NSMAF: variants seen among roughly 807,000 people sequenced by gnomAD.
NSMAF encodes neutral sphingomyelinase activation associated factor.
NSMAF carries 90 observed loss-of-function variants against 134.9 expected under a neutral mutation model. The observed-to-expected ratio is 0.67, with a 90% CI of 0.56 to 0.79. The LOEUF (loss-of-function observed/expected upper bound fraction) is 0.79, where lower values mean the gene tolerates loss of function less well. Ranked by LOEUF, NSMAF falls within the 30% of genes least tolerant of loss-of-function variation. NSMAF has a pLI of 0.00. For synonymous variants in NSMAF, 358 were observed against 389.6 expected (o/e 0.92, Z 0.96); for missense variants, 1,010 against 1,119.0 (o/e 0.90, Z 1.39).
intron 6 of NSMAF, among the ~76,000 whole-genome samples, chr8:58,626,217 G>T (rs902645400): frequency 2.7e-5 from 4 of 149,148 alleles, no homozygotes; most frequent in African/African-American, 9.9e-5. Context: ...TCCTGTCTCA[G>T]CCTCCCAAGT....
intron 23 of NSMAF, 90 bp downstream of exon 23, chr8:58,594,142 C>G (rs560366484): frequency 3.4e-5 from 36 of 1,045,528 alleles, no homozygotes; most frequent in Non-Finnish European, 5.1e-5. Context: ...GCAGCACATG[C>G]AAGTGCAGTC....
At chr8:58,639,973 T>A (rs1411400196) in intron 2 of NSMAF, 1 of 401,834 alleles carries the variant, frequency 2.5e-6, no homozygotes, top group African/African-American at 2.1e-5. Flanking sequence ...CTTACGAAAA[T>A]TTTTTAGGTG....
intron 6 of NSMAF, among the ~76,000 whole-genome samples, chr8:58,625,142 A>G (rs1459816654): frequency 6.6e-6 from 1 of 152,140 alleles, no homozygotes; most frequent in African/African-American, 2.4e-5. Context: ...AAATCGAATA[A>G]AAGTCTAAAT....
At chr8:58,623,086 G>A (rs1806825753) in intron 9 of NSMAF, 134 bp downstream of exon 9, 2 of 690,862 alleles carry the variant, frequency 2.9e-6, no homozygotes, top group Non-Finnish European at 5.2e-6. Flanking sequence ...CCTGCACTGA[G>A]GCTGAGCCAT....
intron 1 of NSMAF, chr8:58,659,058 G>A (rs1220741191): frequency 2.9e-6 from 2 of 701,546 alleles, no homozygotes; most frequent in Non-Finnish European, 4.3e-6. Flanking sequence ...CAGGAAAAAG[G>A]CGCGGCAATG....
At chr8:58,586,353 GT>G in intron 28 of NSMAF, 104 bp downstream of exon 28, 1 of 1,178,320 alleles carries the variant, frequency 8.5e-7, no homozygotes, top group Non-Finnish European at 1.2e-6. Flanking sequence ...AGCAAATAGT[GT>G]TTTTCTTTGT....
Position 58,599,372 on chromosome 8 carries a change from T to G in NSMAF, c.1454-9A>C. The stretch of plus-strand genomic sequence containing the variant: ...GAGAAAGTCCTCGGGACCTATTAGA[T>G]TAGACTCAATCGAAAAATCATGGAG... On this transcript the variant is annotated splice_polypyrimidine_tract_variant and intron_variant, in intron 18 of 30. Coordinates refer to ENST00000038176, the MANE Select transcript of NSMAF (RefSeq NM_003580.4). 6.2e-7 allele frequency: 1 copy of G among 1,611,906 alleles called. No individual in the cohort carries two copies. Among genetic ancestry groups the G allele is most frequent in the Non-Finnish European group, 8.5e-7 (1 of 1,179,372 alleles).
At chr8:58,599,497 C>T in intron 18 of NSMAF, 134 bp from the exon 19 acceptor site, 1 of 1,109,296 alleles carries the variant, frequency 9.0e-7, no homozygotes, top group Non-Finnish European at 1.3e-6. Context: ...TTTTCTTTTT[C>T]TATCATATGA....
intron 15 of NSMAF, 45 bp from the exon 16 acceptor site, chr8:58,601,393 G>A (rs1806276044): frequency 1.2e-6 from 2 of 1,607,312 alleles, no homozygotes; most frequent in South Asian, 2.2e-5. Flanking sequence ...CAGAATCATT[G>A]AAGAATACAG....
chr8:58,602,659 A>T (rs969734401), intron 13 of NSMAF, among the ~76,000 whole-genome samples: 2 of 152,178 alleles, frequency 1.3e-5, no homozygotes, highest in Admixed American at 6.5e-5. Flanking sequence ...ACAATATATA[A>T]TTTTTAAATA....
intron 1 of NSMAF, among the ~76,000 whole-genome samples, chr8:58,644,160 T>A (rs897973745): frequency 4.6e-5 from 7 of 152,200 alleles, no homozygotes; most frequent in Non-Finnish European, 1.0e-4. Flanking sequence ...AGTTCCAGTG[T>A]GTTGGAGGAA....
In NSMAF at chr8:58,631,669, A is replaced by G. The variant is rs761313253; in HGVS notation, c.334-123T>C. 4.0e-5 allele frequency: 21 copies of G among 528,888 alleles called. No homozygotes were observed. In the Admixed American group the frequency reaches 5.0e-4, roughly 13 times the overall value. The allele number at this position is 528,888 out of a possible 1,614,324, so 32.8% of individuals were successfully genotyped here. A position where few individuals can be genotyped will look rare whatever the true frequency, so the allele number is the denominator to read the frequency against. ...TCATTGTTATATAATCTCTATTTCC[A>G]GAAGTATTTGCTTTAGTATTAGTAC... On this transcript the variant is annotated intron_variant, in intron 5 of 30. Coordinates refer to ENST00000038176, the MANE Select transcript of NSMAF (RefSeq NM_003580.4).
chr8:58,659,445 A>ACGCGTCCGGCCCCTGCCTC, intron 1 of NSMAF, 128 bp downstream of exon 1: 1 of 1,467,864 alleles, frequency 6.8e-7, no homozygotes, highest in Non-Finnish European at 9.0e-7. Context: ...GGCCCTGGAC[A>ACGCGTCCGGCCCCTGCCTC]CGCGTCCGGC....
chr8:58,627,140 T>C (rs974497724), intron 6 of NSMAF, among the ~76,000 whole-genome samples: 2 of 152,226 alleles, frequency 1.3e-5, no homozygotes, highest in Admixed American at 6.5e-5. Flanking sequence ...TTGCGAAAAT[T>C]TTCTCCCACT....
intron 1 of NSMAF, among the ~76,000 whole-genome samples, chr8:58,650,256 G>C (rs77125463): frequency 6.6e-6 from 1 of 152,086 alleles, no homozygotes; most frequent in African/African-American, 2.4e-5. Context: ...CTAGTTCCAA[G>C]GGCAACTTTG....
In NSMAF at chr8:58,609,679, C is replaced by A. The variant is rs547931705; in HGVS notation, c.612G>T (p.Thr204=). 8 of 1,613,980 alleles carry A rather than the reference C, an allele frequency of 5.0e-6. No homozygotes were observed. The highest frequency in any genetic ancestry group is 6.8e-6 in the Non-Finnish European group (8 of 1,179,968). ...CGTGTCCAGGATTAGTCACCAGAGG[C>A]GTCACCATTTCTGCTTTGCATTCCA... ...LHMECKAEMV[T]PLVTNPGHVC... The change falls in exon 10 of 31, where the codon ACG becomes ACT. Residue 204 remains threonine (T), a synonymous_variant. Coordinates refer to ENST00000038176, the MANE Select transcript of NSMAF (RefSeq NM_003580.4).
chr8:58,613,858 C>T (rs1217182314), intron 9 of NSMAF, among the ~76,000 whole-genome samples: 1 of 152,164 alleles, frequency 6.6e-6, no homozygotes, highest in Non-Finnish European at 1.5e-5. Flanking sequence ...AATCTGAAAT[C>T]TGAACTGCTC....
In NSMAF at chr8:58,625,088, C is replaced by A. The variant is rs143359529; in HGVS notation, c.385-1308G>T. ...TTAGGAGACTGAGTAAAACAGATTGCCCTCCCCAATGTGGGTGGGCCTCAT... is the reference window on the plus strand; with the variant it reads ...TTAGGAGACTGAGTAAAACAGATTGACCTCCCCAATGTGGGTGGGCCTCAT... On this transcript the variant is annotated intron_variant, in intron 6 of 30. Transcript: ENST00000038176. Among the ~76,000 whole-genome samples the A allele has an allele frequency of 7.9e-3, 1,196 of 152,218 alleles. 21 individuals are homozygous for A. The highest frequency in any genetic ancestry group is 0.027 in the African/African-American group (1,119 of 41,516).
At chr8:58,603,434 A>T (rs1484025577) in intron 12 of NSMAF, 48 bp from the exon 13 acceptor site, 2 of 1,584,492 alleles carry the variant, frequency 1.3e-6, no homozygotes, top group South Asian at 2.2e-5. Context: ...TCGCAAACTT[A>T]GTATGCAAAA....
Sources: gnomAD v4.1 joint callset for allele counts (sites outside exome capture counted in the v4.1 genomes callset) on GRCh38, gnomAD v4.1.1 for gene constraint, MANE v1.5 for transcripts, NCBI Gene and HGNC (gene_info 2026-07-23, HGNC 2026-07-21) for gene names.